Variants in FER1L6 observed in about 807,000 individuals in gnomAD.
FER1L6 encodes the protein fer-1 like family member 6, also known as fer-1-like protein 6.
Under a neutral mutation model 219.2 loss-of-function variants are expected in FER1L6, and 177 were observed. The observed-to-expected ratio is 0.81, with a 90% CI of 0.71 to 0.91. FER1L6 has a LOEUF of 0.91. Ranked by LOEUF, FER1L6 falls within the 40% of genes least tolerant of loss-of-function variation. FER1L6 has a pLI of 0.00. For missense variants in FER1L6, 2,153 were observed against 2,259.9 expected, an observed-to-expected ratio of 0.95 and a Z score of 0.96; for synonymous variants, 768 against 824.3, an observed-to-expected ratio of 0.93 and a Z score of 1.17.
chr8:123,994,461 A>G (rs1212186357), intron 12 of FER1L6, among the ~76,000 whole-genome samples: 1 of 152,166 alleles, frequency 6.6e-6, no homozygotes, highest in Non-Finnish European at 1.5e-5. Flanking sequence ...GGTAGCATGC[A>G]GCAGTAAGCC....
intron 21 of FER1L6, chr8:124,047,519 G>A (rs1819791065): frequency 6.6e-6 from 1 of 152,168 alleles, no homozygotes; most frequent in African/African-American, 2.4e-5. Context: ...AAATATTTTT[G>A]TATGTTTGTA....
chr8:123,898,643 T>TTA (rs140414036), intron 1 of FER1L6, among the ~76,000 whole-genome samples: 44,112 of 141,792 alleles, frequency 0.31, 7,500 homozygotes, highest in Middle Eastern at 0.41. Context: ...GTATTCCATT[T>TTA]TATATATATA....
chr8:123,971,279 A>C (rs1241491072), intron 6 of FER1L6, among the ~76,000 whole-genome samples: 1 of 152,186 alleles, frequency 6.6e-6, no homozygotes, highest in Admixed American at 6.5e-5. Flanking sequence ...GAAGAATGTG[A>C]CTCTTGAAGA....
At chr8:123,880,458 G>A (rs1040627716) in intron 1 of FER1L6, among the ~76,000 whole-genome samples, 4 of 152,178 alleles carry the variant, frequency 2.6e-5, no homozygotes, top group Non-Finnish European at 5.9e-5. Flanking sequence ...AAGCAGTGAT[G>A]GAAGCTGATC....
At position 124,082,290 on chromosome 8, in the gene FER1L6, C is replaced by T. The variant is rs761614431; in HGVS notation, c.4223C>T (p.Ser1408Leu). ...TGAAGTCTCTGCTTGGACCGCAGGTCATTTGAGATCCAAGCCACATTCCCA... is the reference window on the plus strand; with the variant it reads ...TGAAGTCTCTGCTTGGACCGCAGGTTATTTGAGATCCAAGCCACATTCCCA... ...PKQLNPVFGR[S>L]FEIQATFPKE... is the part of the protein sequence containing the mutation. Residue 1408 changes from serine (S) to leucine (L), a missense_variant and splice_region_variant, in exon 33 of 41, where the codon TCA (serine) becomes TTA (leucine). Physicochemically the swap from Ser to Leu is moderately radical, Grantham distance 145. Coordinates refer to ENST00000522917, the MANE Select transcript of FER1L6 (RefSeq NM_001039112.2). The T allele has an allele frequency of 6.2e-7, 1 of 1,611,954 alleles. No individual in the cohort carries two copies. The highest frequency in any genetic ancestry group is 1.7e-5 in the Admixed American group (1 of 59,774).
At chr8:124,116,112 GC>G (rs1563809512) in intron 39 of FER1L6, among the ~76,000 whole-genome samples, 1 of 152,312 alleles carries the variant, frequency 6.6e-6, no homozygotes, top group East Asian at 1.9e-4. Context: ...ATGTAAAGTA[GC>G]AGAGGAATGG....
intron 32 of FER1L6, among the ~76,000 whole-genome samples, chr8:124,080,370 T>C (rs1286230864): frequency 6.6e-6 from 1 of 151,942 alleles, no homozygotes; most frequent in African/African-American, 2.4e-5. Context: ...CAGGCTGGAG[T>C]GCAGTGGCGC....
At chr8:124,015,607 A>ATATG (rs1554632086) in intron 15 of FER1L6, among the ~76,000 whole-genome samples, 4,432 of 88,426 alleles carry the variant, frequency 0.05, 337 homozygotes, top group African/African-American at 0.085. Flanking sequence ...ATATATATAT[A>ATATG]TATATATATT....
At chr8:123,973,945 T>C (rs1478714597) in intron 7 of FER1L6, among the ~76,000 whole-genome samples, 1 of 152,160 alleles carries the variant, frequency 6.6e-6, no homozygotes, top group Non-Finnish European at 1.5e-5. Flanking sequence ...TGTTGGAGGA[T>C]TGAGTAAGTT....
At chr8:123,924,632 C>T (rs987153804) in intron 1 of FER1L6, 5 of 152,176 alleles carry the variant, frequency 3.3e-5, no homozygotes, top group Non-Finnish European at 5.9e-5. Context: ...CAGGCTTCCA[C>T]GAGAGGATGA....
intron 1 of FER1L6, among the ~76,000 whole-genome samples, chr8:123,908,339 C>T (rs912480913): frequency 3.9e-5 from 6 of 152,174 alleles, no homozygotes; most frequent in African/African-American, 1.2e-4. Context: ...TTACAAGATA[C>T]TCTGCAATTG....
chr8:123,894,517 G>C (rs554994468), intron 1 of FER1L6, among the ~76,000 whole-genome samples: 1 of 152,260 alleles, frequency 6.6e-6, no homozygotes, highest in African/African-American at 2.4e-5. Flanking sequence ...AATTGCTCTG[G>C]AAGATGCCAT....
intron 7 of FER1L6, among the ~76,000 whole-genome samples, chr8:123,974,679 A>G (rs1329788909): frequency 2.2e-4 from 33 of 148,838 alleles, no homozygotes; most frequent in Admixed American, 1.9e-3. Context: ...AAAAAAAAAA[A>G]AAAGAAATGT....
rs761839695 is a variant in FER1L6, at chr8:124,003,258, C to T, written c.1611C>T (p.His537=). Residue 537 remains histidine, a synonymous_variant, in exon 13 of 41, where the codon CAC becomes CAT. Transcript: ENST00000522917. The stretch of plus-strand genomic sequence containing the variant: ...AAGAAGACCTCCTTCCACTGCTTCA[C>T]GAAGGGCAAGGGGATGTGGCCCATG... ...SAEEDLLPLL[H]EGQGDVAHDV... is the part of the protein sequence containing the mutation. The T allele has an allele frequency of 2.4e-5, 38 of 1,613,860 alleles. No homozygotes were observed. The highest frequency in any genetic ancestry group is 1.8e-4 in the East Asian group (8 of 44,864).
At chr8:123,877,110 A>G (rs1013857376) in intron 1 of FER1L6, among the ~76,000 whole-genome samples, 1 of 152,284 alleles carries the variant, frequency 6.6e-6, no homozygotes, top group African/African-American at 2.4e-5. Flanking sequence ...TCCTACTGGT[A>G]TCGCTGGTGC....
At chr8:123,920,087 G>C (rs569483965) in intron 1 of FER1L6, among the ~76,000 whole-genome samples, 2 of 152,198 alleles carry the variant, frequency 1.3e-5, no homozygotes, top group African/African-American at 4.8e-5. Context: ...TACACCCCAA[G>C]TTCAAGTCCC....
At chr8:124,032,349 C>T (rs551955071) in intron 18 of FER1L6, among the ~76,000 whole-genome samples, 346 of 152,118 alleles carry the variant, frequency 2.3e-3, no homozygotes, top group Admixed American at 4.0e-3. Context: ...TACTTGAACC[C>T]GGGAGGCAGA....
intron 32 of FER1L6, among the ~76,000 whole-genome samples, chr8:124,080,477 C>T (rs1243854250): frequency 3.3e-5 from 5 of 152,026 alleles, no homozygotes; most frequent in Non-Finnish European, 7.4e-5. Context: ...GCCACCACGC[C>T]GGGCTAATTT....
chr8:123,958,711 A>T (rs1288555667), intron 2 of FER1L6, among the ~76,000 whole-genome samples: 2 of 151,754 alleles, frequency 1.3e-5, no homozygotes, highest in African/African-American at 2.4e-5. Flanking sequence ...AAAAAAACCC[A>T]AAACAGACAG....
Sources: allele counts gnomAD v4.1 joint callset (sites outside exome capture counted in the v4.1 genomes callset), GRCh38; gene constraint gnomAD v4.1.1; transcripts MANE v1.5; gene names NCBI Gene and HGNC (gene_info 2026-07-23, HGNC 2026-07-21).